Variants in PAFAH2 observed in about 807,000 individuals in gnomAD.
The protein encoded by PAFAH2 is platelet-activating factor acetylhydrolase 2, cytoplasmic.
PAFAH2 carries 42 observed loss-of-function variants against 49.0 expected under a neutral mutation model. The ratio of observed to expected loss-of-function variants is 0.86; its 90% CI spans 0.67 to 1.11. The LOEUF (loss-of-function observed/expected upper bound fraction) is 1.11, where lower values mean the gene tolerates loss of function less well. PAFAH2 is among the 50% of genes least tolerant of loss of function. The pLI is 0.00. For synonymous variants in PAFAH2, 184 were observed against 181.3 expected (o/e 1.01, Z -0.12); for missense variants, 503 against 501.8 (o/e 1.00, Z -0.02).
At chr1:25,968,050 C>T (rs1049060660) in intron 10 of PAFAH2, among the ~76,000 whole-genome samples, 1 of 152,068 alleles carries the variant, frequency 6.6e-6, no homozygotes, top group Non-Finnish European at 1.5e-5. Context: ...CCTGTAATCC[C>T]AGCTACTCGG....
At chr1:25,978,408 CG>C (rs2049629184) in intron 7 of PAFAH2, among the ~76,000 whole-genome samples, 1 of 152,108 alleles carries the variant, frequency 6.6e-6, no homozygotes, top group South Asian at 2.1e-4. Context: ...ATACACCTGG[CG>C]CTGTATATTT....
chr1:25,976,742 A>G lies in PAFAH2; in HGVS notation c.698T>C (p.Met233Thr). The G allele has an allele frequency of 6.2e-7, 1 of 1,614,246 alleles. No homozygotes were observed. Among genetic ancestry groups the G allele is most frequent in the Non-Finnish European group, 8.5e-7 (1 of 1,180,046 alleles). The change falls in exon 8 of 11, where the codon ATG becomes ACG. Residue 233 changes from methionine to threonine, a missense_variant. Transcript: ENST00000374282. The stretch of plus-strand genomic sequence containing the variant: ...TGTGGCCCCTCCAAATGAATGTCCC[A>G]TCACAGCCACACGGCTCATGTCAAT... ...GNIDMSRVAV[M>T]GHSFGGATAI... is the part of the protein sequence containing the mutation.
chr1:25,963,887 C>T (rs1347574520), intron 10 of PAFAH2, among the ~76,000 whole-genome samples: 5 of 152,114 alleles, frequency 3.3e-5, no homozygotes, highest in Non-Finnish European at 7.3e-5. Context: ...TGGGAGTGTG[C>T]CACGAGACTA....
At chr1:25,998,001 G>A (rs1229617797) in intron 1 of PAFAH2, 24 bp downstream of exon 1, 1 of 152,202 alleles carries the variant, frequency 6.6e-6, no homozygotes, top group East Asian at 1.9e-4. Flanking sequence ...TTGAGATATA[G>A]GTGTTTTCTC....
At chr1:25,964,478 G>A (rs1428920535) in intron 10 of PAFAH2, among the ~76,000 whole-genome samples, 1 of 152,178 alleles carries the variant, frequency 6.6e-6, no homozygotes, top group African/African-American at 2.4e-5. Context: ...GGCTGAGGCA[G>A]GAGGATCGCC....
At chr1:25,983,055 T>A (rs769448094) in intron 6 of PAFAH2, among the ~76,000 whole-genome samples, 1 of 152,120 alleles carries the variant, frequency 6.6e-6, no homozygotes, top group Non-Finnish European at 1.5e-5. Context: ...CCTATTCTCA[T>A]AGGTGACAAG....
intron 7 of PAFAH2, among the ~76,000 whole-genome samples, chr1:25,980,330 T>G (rs1203142071): frequency 6.8e-6 from 1 of 146,234 alleles, no homozygotes; most frequent in East Asian, 2.0e-4. Context: ...AATATATAAG[T>G]TTTTTTTTTT....
intron 7 of PAFAH2, among the ~76,000 whole-genome samples, chr1:25,979,872 C>T (rs559114236): frequency 4.6e-5 from 7 of 152,308 alleles, no homozygotes; most frequent in African/African-American, 4.8e-5. Flanking sequence ...GTGATCCACC[C>T]GACTCAGCCT....
At chr1:25,972,269 T>TA (rs2049519977) in intron 10 of PAFAH2, among the ~76,000 whole-genome samples, 1 of 151,596 alleles carries the variant, frequency 6.6e-6, no homozygotes, top group African/African-American at 2.4e-5. Context: ...CTAATTTTTT[T>TA]TTTTTTTTGG....
intron 3 of PAFAH2, among the ~76,000 whole-genome samples, chr1:25,988,742 G>A (rs1033333548): frequency 7.1e-6 from 1 of 141,170 alleles, no homozygotes; most frequent in South Asian, 2.2e-4. Context: ...GGCGAAGGTT[G>A]CAGTGAGCTG....
intron 7 of PAFAH2, among the ~76,000 whole-genome samples, chr1:25,978,549 C>T (rs1426474551): frequency 6.6e-6 from 1 of 152,186 alleles, no homozygotes; most frequent in Non-Finnish European, 1.5e-5. Flanking sequence ...TAAACTGTTT[C>T]CCAGCAGTTA....
chr1:25,991,816 C>G (rs969611126), intron 1 of PAFAH2, among the ~76,000 whole-genome samples: 9 of 152,130 alleles, frequency 5.9e-5, no homozygotes, highest in Admixed American at 1.3e-4. Context: ...TCGCTTGAAC[C>G]TGGGAGGCAG....
rs114552465 is a variant in PAFAH2, at chr1:25,977,422, G to A, written c.667-649C>T. ...TCCCAACACTCTGGGAAGCCAAGGC[G>A]GGCGGATTGCTTGAGCTTAGGAGTT... On this transcript the variant is annotated intron_variant, in intron 7 of 10. Coordinates refer to ENST00000374282, the MANE Select transcript of PAFAH2 (RefSeq NM_000437.4). 6.9e-3 allele frequency among the ~76,000 whole-genome samples: 1,044 copies of A among 151,680 alleles called. 11 individuals are homozygous for A. The highest frequency in any genetic ancestry group is 0.021 in the African/African-American group (883 of 41,386).
chr1:25,986,595 T>C (rs906894212), intron 4 of PAFAH2, among the ~76,000 whole-genome samples: 3 of 152,148 alleles, frequency 2.0e-5, no homozygotes, highest in African/African-American at 7.2e-5. Flanking sequence ...AATGGCACAA[T>C]CTTGGCTCAC....
At chr1:25,987,095 C>T (rs1193677642) in intron 4 of PAFAH2, among the ~76,000 whole-genome samples, 1 of 151,296 alleles carries the variant, frequency 6.6e-6, no homozygotes, top group Admixed American at 6.6e-5. Flanking sequence ...ATTAGCTGGA[C>T]ATGGTGTTGG....
intron 1 of PAFAH2, among the ~76,000 whole-genome samples, chr1:25,993,670 G>A (rs544740094): frequency 3.9e-5 from 6 of 152,154 alleles, no homozygotes; most frequent in African/African-American, 1.2e-4. Flanking sequence ...GATGTCAGTG[G>A]GTTGTTCAGC....
rs1459561600 is a variant in PAFAH2, at chr1:25,974,519, ATCT to A, written c.887_889del (p.Lys296del). The A allele has an allele frequency of 1.2e-6, 2 of 1,614,006 alleles. No individual in the cohort carries two copies. Among genetic ancestry groups the A allele is most frequent in the African/African-American group, 2.7e-5 (2 of 74,906 alleles). ...CCTAGACTGTTCATGCTGGGCACAT[ATCT>A]TCTTCATCAAATTGACACTCTCCAT... On this transcript the variant is annotated inframe_deletion, in exon 9 of 11. Coordinates refer to ENST00000374282, the MANE Select transcript of PAFAH2 (RefSeq NM_000437.4).
In PAFAH2 at chr1:25,962,006, G is replaced by A. The variant is rs368000628; in HGVS notation, c.1162C>T (p.His388Tyr). The change falls in exon 11 of 11, where the codon CAT becomes TAT. Residue 388 changes from histidine to tyrosine, a missense_variant. Physicochemically the swap from His to Tyr is moderately conservative, Grantham distance 83. Transcript: ENST00000374282. ...GPSLTPGAPH[H>Y]LSSL The stretch of plus-strand genomic sequence containing the variant: ...AGTTGTGCCTACAGGCTGGACAGAT[G>A]GTGGGGGGCCCCTGGGGTGAGCGAC... 10 of 1,613,804 alleles carry A rather than the reference G, an allele frequency of 6.2e-6. No homozygotes were observed. In the Admixed American group the frequency reaches 6.7e-5, roughly 11 times the overall value.
chr1:25,987,695 C>A (rs1426525272), intron 4 of PAFAH2, among the ~76,000 whole-genome samples: 3 of 147,306 alleles, frequency 2.0e-5, no homozygotes, highest in Non-Finnish European at 3.0e-5. Context: ...GCATGGGCAA[C>A]ACAGTGAGAT....
Sources: allele counts gnomAD v4.1 joint callset (sites outside exome capture counted in the v4.1 genomes callset), GRCh38; gene constraint gnomAD v4.1.1; transcripts MANE v1.5; gene names NCBI Gene and HGNC (gene_info 2026-07-23, HGNC 2026-07-21).